The following GABRG1 variants were observed in gnomAD, a reference collection of about 807,000 sequenced individuals.
GABRG1 encodes gamma-aminobutyric acid type A receptor subunit gamma1.
In GABRG1, 49 loss-of-function variants were observed where a neutral mutation model predicts 49.8. That is an observed-to-expected ratio of 0.98 (90% CI 0.78 to 1.25). GABRG1 has a LOEUF of 1.25. Among genes scored for constraint, GABRG1 ranks in the 50% most tolerant of loss-of-function variants. The probability of loss-of-function intolerance (pLI) is 0.00; values close to 1 mark genes in which losing one functional copy is unlikely to be tolerated. For synonymous variants in GABRG1, 232 were observed against 185.1 expected (o/e 1.25, Z -2.06); for missense variants, 552 against 552.3 (o/e 1.00, Z 0.01).
At chr4:46,074,392 G>C (rs1012088498) in intron 3 of GABRG1, among the ~76,000 whole-genome samples, 2 of 152,040 alleles carry the variant, frequency 1.3e-5, no homozygotes, top group Admixed American at 6.6e-5. Context: ...TCCAGCTGCA[G>C]AAAATGAAAA....
chr4:46,122,980 T>C (rs889948915), intron 1 of GABRG1, among the ~76,000 whole-genome samples: 5 of 152,172 alleles, frequency 3.3e-5, no homozygotes, highest in African/African-American at 9.6e-5. Context: ...TTTATATGTC[T>C]ACCAGAATGA....
At chr4:46,046,733 T>C (rs536381941) in intron 8 of GABRG1, among the ~76,000 whole-genome samples, 12 of 152,184 alleles carry the variant, frequency 7.9e-5, no homozygotes, top group African/African-American at 2.9e-4. Flanking sequence ...AATATCTTGG[T>C]TTCAGCTTTT....
At chr4:46,116,084 G>A (rs993722367) in intron 1 of GABRG1, among the ~76,000 whole-genome samples, 1 of 150,556 alleles carries the variant, frequency 6.6e-6, no homozygotes, top group African/African-American at 2.4e-5. Context: ...TTAGATTTTT[G>A]TCTTTGTTGT....
intron 2 of GABRG1, among the ~76,000 whole-genome samples, chr4:46,087,163 A>G (rs528903590): frequency 6.6e-6 from 1 of 151,074 alleles, no homozygotes; most frequent in Non-Finnish European, 1.5e-5. Context: ...TCCTTTCTCT[A>G]TTTTTTTTAA....
rs1720465982 is a variant in GABRG1, at chr4:46,104,219, C to T, written c.105-6870G>A. Among the ~76,000 whole-genome samples, 6 of 151,412 alleles carry T rather than the reference C, an allele frequency of 4.0e-5. No homozygotes were observed. The Admixed American group carries it at 4.0e-4, about 10-fold the overall frequency. On this transcript the variant is annotated intron_variant, in intron 1 of 8. Transcript: ENST00000295452. Reference sequence around the variant, plus strand: ...ATATTTCAGTTACTTAGAGAAATGACTCCTACTCAAAACATACATAGAGAT... The same window carrying T: ...ATATTTCAGTTACTTAGAGAAATGATTCCTACTCAAAACATACATAGAGAT...
intron 1 of GABRG1, among the ~76,000 whole-genome samples, chr4:46,111,900 C>G (rs947322852): frequency 2.0e-5 from 3 of 151,214 alleles, no homozygotes; most frequent in African/African-American, 7.2e-5. Context: ...ACAAGAAAAC[C>G]TAGGAAACAC....
chr4:46,077,388 G>C (rs535373386), intron 3 of GABRG1, among the ~76,000 whole-genome samples: 1 of 151,688 alleles, frequency 6.6e-6, no homozygotes, highest in Non-Finnish European at 1.5e-5. Flanking sequence ...GGTTAATAAA[G>C]CATTGGGTAA....
chr4:46,110,953 C>T (rs991228228), intron 1 of GABRG1, among the ~76,000 whole-genome samples: 3 of 151,066 alleles, frequency 2.0e-5, no homozygotes, highest in Non-Finnish European at 4.4e-5. Flanking sequence ...CAAGGATGGC[C>T]ACTCCTACCA....
chr4:46,066,578 C>A (rs556944356), intron 3 of GABRG1, among the ~76,000 whole-genome samples: 1 of 152,222 alleles, frequency 6.6e-6, no homozygotes, highest in Non-Finnish European at 1.5e-5. Context: ...AATCCCAAGT[C>A]CACATCCATA....
At chr4:46,051,848 C>T (rs191098839) in intron 7 of GABRG1, among the ~76,000 whole-genome samples, 4 of 151,918 alleles carry the variant, frequency 2.6e-5, no homozygotes, top group East Asian at 1.9e-4. Context: ...TAAATTACTG[C>T]GGAGTGCAAG....
At chr4:46,057,405 C>T (rs1406693444) in intron 7 of GABRG1, among the ~76,000 whole-genome samples, 2 of 151,960 alleles carry the variant, frequency 1.3e-5, no homozygotes, top group Admixed American at 6.6e-5. Flanking sequence ...ATTTTTAAGA[C>T]ACAATTATGA....
At chr4:46,081,563 G>A (rs767222157) in intron 3 of GABRG1, among the ~76,000 whole-genome samples, 34 of 151,662 alleles carry the variant, frequency 2.2e-4, no homozygotes, top group Non-Finnish European at 4.3e-4. Context: ...ATATTATAAA[G>A]GTTCACCAGC....
chr4:46,078,509 G>A (rs1008610662), intron 3 of GABRG1, among the ~76,000 whole-genome samples: 1 of 151,798 alleles, frequency 6.6e-6, no homozygotes, highest in Non-Finnish European at 1.5e-5. Context: ...AAAAAGAGAG[G>A]GTGAGAAAGA....
At chr4:46,068,675 A>T (rs932653643) in intron 3 of GABRG1, among the ~76,000 whole-genome samples, 2 of 152,056 alleles carry the variant, frequency 1.3e-5, no homozygotes, top group African/African-American at 2.4e-5. Context: ...TGCCTCACTG[A>T]AATAAGAAGA....
intron 1 of GABRG1, among the ~76,000 whole-genome samples, chr4:46,102,258 G>A (rs1720404680): frequency 6.6e-6 from 1 of 151,590 alleles, no homozygotes; most frequent in Non-Finnish European, 1.5e-5. Context: ...CTAAGGATGA[G>A]CCCTGAGTCT....
At chr4:46,089,423 TCCC>T (rs1240998531) in intron 2 of GABRG1, among the ~76,000 whole-genome samples, 4 of 151,772 alleles carry the variant, frequency 2.6e-5, no homozygotes, top group African/African-American at 7.3e-5. Context: ...TCTTTATATC[TCCC>T]CCATGTCCCC....
intron 5 of GABRG1, among the ~76,000 whole-genome samples, chr4:46,061,434 T>A (rs1718670005): frequency 1.3e-5 from 2 of 152,114 alleles, no homozygotes; most frequent in African/African-American, 4.8e-5. Flanking sequence ...TACCAAATTC[T>A]AGAATGTGAT....
intron 2 of GABRG1, among the ~76,000 whole-genome samples, chr4:46,085,842 T>C (rs901040639): frequency 6.6e-6 from 1 of 151,582 alleles, no homozygotes; most frequent in Admixed American, 6.6e-5. Context: ...ATCCAAAGTT[T>C]ATTCAATTGC....
chr4:46,109,866 G>T (rs1228699296), intron 1 of GABRG1, among the ~76,000 whole-genome samples: 2 of 150,918 alleles, frequency 1.3e-5, no homozygotes, highest in East Asian at 3.9e-4. Flanking sequence ...ATTCCACTGT[G>T]GTCCAAGACT....
Sources: gnomAD v4.1 joint callset for allele counts (sites outside exome capture counted in the v4.1 genomes callset) on GRCh38, gnomAD v4.1.1 for gene constraint, MANE v1.5 for transcripts, NCBI Gene and HGNC (gene_info 2026-07-23, HGNC 2026-07-21) for gene names.